The following COX10 variants were observed in gnomAD, a reference collection of about 807,000 sequenced individuals.
COX10 encodes cytochrome c oxidase assembly factor heme A:farnesyltransferase COX10.
COX10 carries 27 observed loss-of-function variants against 37.3 expected under a neutral mutation model. That is an observed-to-expected ratio of 0.72 (90% confidence interval 0.53 to 1.00). COX10 has a LOEUF of 1.00. Among genes scored for constraint, COX10 ranks in the 50% least tolerant of loss-of-function variants. COX10 has a pLI of 0.00. For missense variants in COX10, 475 were observed against 563.2 expected (o/e 0.84, Z 1.59); for synonymous variants, 222 against 229.1 (o/e 0.97, Z 0.28).
intron 4 of COX10, among the ~76,000 whole-genome samples, chr17:14,143,517 G>A (rs1032706411): frequency 6.6e-6 from 1 of 152,118 alleles, no homozygotes; most frequent in Non-Finnish European, 1.5e-5. Context: ...CAGCATCTCA[G>A]AGATGGAACA....
At chr17:14,123,320 G>A (rs527512156) in intron 4 of COX10, among the ~76,000 whole-genome samples, 31 of 152,234 alleles carry the variant, frequency 2.0e-4, no homozygotes, top group East Asian at 7.7e-4. Context: ...TTTAAGTTGC[G>A]TATTCACAAT....
chr17:14,124,378 CA>C (rs1380460659), intron 4 of COX10, among the ~76,000 whole-genome samples: 1 of 152,098 alleles, frequency 6.6e-6, no homozygotes, highest in Non-Finnish European at 1.5e-5. Flanking sequence ...GCATATTACA[CA>C]GTAAGTTTTT....
chr17:14,114,461 A>G (rs747431920), intron 4 of COX10, among the ~76,000 whole-genome samples: 1 of 152,124 alleles, frequency 6.6e-6, no homozygotes, highest in Non-Finnish European at 1.5e-5. Flanking sequence ...TCGTAATTGC[A>G]TTCTAAATGT....
chr17:14,164,474 A>G (rs1340578487), intron 5 of COX10, among the ~76,000 whole-genome samples: 4 of 152,316 alleles, frequency 2.6e-5, no homozygotes, highest in South Asian at 2.1e-4. Flanking sequence ...TGTTTCTCAA[A>G]TTCCCTTTTA....
Position 14,189,420 on chromosome 17 carries a change from G to A in COX10, c.696-2569G>A, listed in dbSNP as rs184451362. Among the ~76,000 whole-genome samples, 1,235 of 152,242 alleles carry A rather than the reference G, an allele frequency of 8.1e-3. 11 individuals carry two copies. The highest frequency in any genetic ancestry group is 0.013 in the Non-Finnish European group (852 of 68,014). On this transcript the variant is annotated intron_variant, in intron 5 of 6. Transcript: ENST00000261643. Reference sequence around the variant, plus strand: ...CTGTTCTTAAACAAGTTATCCATTTGTAAACTGCTGATTTGGGGGGGACAT... The same window carrying A: ...CTGTTCTTAAACAAGTTATCCATTTATAAACTGCTGATTTGGGGGGGACAT...
chr17:14,077,102 T>C, intron 3 of COX10, 46 bp downstream of exon 3: 4 of 1,581,498 alleles, frequency 2.5e-6, no homozygotes, highest in Non-Finnish European at 3.5e-6. Flanking sequence ...ACTCTATCTT[T>C]AGTGAAACAA....
chr17:14,150,741 TG>T (rs1460776242), intron 4 of COX10, among the ~76,000 whole-genome samples: 9 of 152,202 alleles, frequency 5.9e-5, no homozygotes, highest in Admixed American at 1.3e-4. Context: ...TGTAAGGTAC[TG>T]GATTCTTTAG....
At chr17:14,155,869 C>G (rs528243767) in intron 4 of COX10, among the ~76,000 whole-genome samples, 8 of 152,260 alleles carry the variant, frequency 5.3e-5, no homozygotes, top group South Asian at 2.1e-4. Flanking sequence ...AGGCCCTCAT[C>G]ATCTCTTACC....
intron 6 of COX10, among the ~76,000 whole-genome samples, chr17:14,197,099 G>GA (rs777995268): frequency 2.0e-5 from 3 of 152,148 alleles, no homozygotes; most frequent in Non-Finnish European, 4.4e-5. Context: ...GCTGAGCCAA[G>GA]ATTTGAAATG....
chr17:14,123,380 A>G (rs1916267932), intron 4 of COX10, among the ~76,000 whole-genome samples: 1 of 152,230 alleles, frequency 6.6e-6, no homozygotes, highest in African/African-American at 2.4e-5. Context: ...TCTCAGCAGC[A>G]TTAATAACTC....
chr17:14,206,144 A>T (rs1906691093), intron 6 of COX10, among the ~76,000 whole-genome samples: 1 of 152,132 alleles, frequency 6.6e-6, no homozygotes, highest in Non-Finnish European at 1.5e-5. Context: ...TGAAAGAGGT[A>T]AACAGATCAG....
intron 4 of COX10, among the ~76,000 whole-genome samples, chr17:14,127,993 AAGGCCTGCCTAGCC>A (rs1916383620): frequency 2.0e-5 from 3 of 151,326 alleles, no homozygotes; most frequent in Non-Finnish European, 4.4e-5. Context: ...TTGAACTTAG[AAGGCCTGCCTAGCC>A]AGTACCTCAA....
chr17:14,204,818 A>G (rs1906646105), intron 6 of COX10, among the ~76,000 whole-genome samples: 1 of 152,208 alleles, frequency 6.6e-6, no homozygotes, highest in Non-Finnish European at 1.5e-5. Context: ...TAGCAAAGTC[A>G]AGGCTGAGTG....
intron 5 of COX10, among the ~76,000 whole-genome samples, chr17:14,165,313 G>A (rs2530376): frequency 6.6e-6 from 1 of 151,874 alleles, no homozygotes; most frequent in South Asian, 2.1e-4. Context: ...GCAGATTTTT[G>A]CAGCAGCATA....
chr17:14,180,781 C>T (rs1184286769), intron 5 of COX10, among the ~76,000 whole-genome samples: 1 of 152,176 alleles, frequency 6.6e-6, no homozygotes, highest in Non-Finnish European at 1.5e-5. Flanking sequence ...TTTGATTCCT[C>T]TCTTTTCCCA....
rs1431807716 is a variant in COX10, at chr17:14,206,894, C to G, written c.1013C>G (p.Ser338Cys). ...AGCTGGGGCCTCCGTGAAGACTACT[C>G]CCGGGGCGGCTACTGCATGATGTCG... ...ALSWGLREDY[S>C]RGGYCMMSVT... The change falls in exon 7 of 7, where the codon TCC (serine) becomes TGC (cysteine). Residue 338 changes from serine to cysteine, a missense_variant. Physicochemically the swap from Ser to Cys is moderately radical, Grantham distance 112. Transcript: ENST00000261643. The G allele has an allele frequency of 6.2e-7, 1 of 1,613,992 alleles. No individual in the cohort carries two copies. The highest frequency in any genetic ancestry group is 8.5e-7 in the Non-Finnish European group (1 of 1,179,966).
chr17:14,167,336 T>A (rs1320497969), intron 5 of COX10, among the ~76,000 whole-genome samples: 1 of 152,232 alleles, frequency 6.6e-6, no homozygotes, highest in Non-Finnish European at 1.5e-5. Context: ...CTGTGAACAT[T>A]GTTGAAATGA....
intron 4 of COX10, among the ~76,000 whole-genome samples, chr17:14,119,697 G>T (rs1464161269): frequency 6.6e-6 from 1 of 152,116 alleles, no homozygotes; most frequent in Non-Finnish European, 1.5e-5. Flanking sequence ...AATAAGATGT[G>T]CGCAAGCCCA....
intron 4 of COX10, among the ~76,000 whole-genome samples, chr17:14,114,569 A>G (rs1231289217): frequency 6.6e-6 from 1 of 152,116 alleles, no homozygotes; most frequent in East Asian, 1.9e-4. Flanking sequence ...ATGTTTTACT[A>G]CAAAGCCTCA....
Sources: gnomAD v4.1 joint callset for allele counts (sites outside exome capture counted in the v4.1 genomes callset) on GRCh38, gnomAD v4.1.1 for gene constraint, MANE v1.5 for transcripts, NCBI Gene and HGNC (gene_info 2026-07-23, HGNC 2026-07-21) for gene names.